UTP20: variants seen among roughly 807,000 people sequenced by gnomAD.
UTP20 encodes the protein UTP20 small subunit processome component.
In UTP20, 164 loss-of-function variants were observed where a neutral mutation model predicts 329.5. The ratio of observed to expected loss-of-function variants is 0.50; its 90% CI spans 0.44 to 0.57. The LOEUF (loss-of-function observed/expected upper bound fraction) is 0.57, where lower values mean the gene tolerates loss of function less well. Among genes scored for constraint, UTP20 ranks in the 20% least tolerant of loss-of-function variants. UTP20 has a pLI of 0.00. For missense variants in UTP20, 3,055 were observed against 3,284.2 expected (o/e 0.93, Z 1.71); for synonymous variants, 1,151 against 1,159.3 (o/e 0.99, Z 0.14).
intron 1 of UTP20, among the ~76,000 whole-genome samples, chr12:101,280,819 A>C (rs1871772418): frequency 6.6e-6 from 1 of 152,184 alleles, no homozygotes; most frequent in Non-Finnish European, 1.5e-5. Flanking sequence ...TGCTTATGGG[A>C]GGGTATGAAA....
At position 101,371,141 on chromosome 12, in the gene UTP20, C is replaced by G; in HGVS notation, c.6771C>G (p.Ser2257Arg). Residue 2257 changes from serine to arginine, a missense_variant, in exon 51 of 62, where the codon AGC becomes AGG. By Grantham distance (110) the Ser-to-Arg change is moderately radical. Transcript: ENST00000261637. Reference protein sequence around the residue: ...KVSKLAVSAQSEPARVQCRQV... With the variant: ...KVSKLAVSAQREPARVQCRQV... ...CCAAGTTGGCAGTCTCTGCACAAAG[C>G]GAACCTGCCAGGGTCCAGTGTAGAC... 1 of 1,613,914 alleles carries G rather than the reference C, an allele frequency of 6.2e-7. No homozygotes were observed. The highest frequency in any genetic ancestry group is 8.5e-7 in the Non-Finnish European group (1 of 1,179,920).
In UTP20 at chr12:101,295,619, T is replaced by C; in HGVS notation, c.1391T>C (p.Ile464Thr). Residue 464 changes from isoleucine to threonine, a missense_variant, in exon 12 of 62, where the codon ATT becomes ACT. By Grantham distance (89) the Ile-to-Thr change is moderately conservative (BLOSUM62 -1). This residue lies in a region of UTP20 where 2,445 missense variants were observed against 2,575.5 expected (regional missense o/e 0.95). Coordinates refer to ENST00000261637, the MANE Select transcript of UTP20 (RefSeq NM_014503.3). ...CCTCCCACTGCTGGCTCGATGGCAA[T>C]TGAAAAGTACCCTCTGGTTTTCTCA... ...AAPPTAGSMA[I>T]EKYPLVFSPQ... 1 of 1,612,338 alleles carries C rather than the reference T, an allele frequency of 6.2e-7. No homozygotes were observed. The highest frequency in any genetic ancestry group is 1.3e-5 in the African/African-American group (1 of 75,024).
chr12:101,283,034 G>A (rs1252001411), intron 2 of UTP20, among the ~76,000 whole-genome samples: 1 of 152,210 alleles, frequency 6.6e-6, no homozygotes, highest in African/African-American at 2.4e-5. Context: ...TCCATTTGGG[G>A]CTTGAATTTG....
Position 101,312,081 on chromosome 12 carries a change from A to T in UTP20, c.2357A>T (p.Asp786Val). The T allele has an allele frequency of 6.2e-7, 1 of 1,614,240 alleles. No individual in the cohort carries two copies. Among genetic ancestry groups the T allele is most frequent in the Non-Finnish European group, 8.5e-7 (1 of 1,180,040 alleles). The change falls in exon 21 of 62, where the codon GAT becomes GTT. Residue 786 changes from aspartate (D) to valine (V), a missense_variant. Around this residue, in one of 3 missense-constraint regions of UTP20, gnomAD observed 2,445 missense variants for 2,575.5 expected, o/e 0.95. Transcript: ENST00000261637. ...ATGACAGATGAGAAGTCCGTTGGAG[A>T]TGAAAGTTGGGAGCAGACCCAGGAA... ...NDMTDEKSVGDESWEQTQEGD... is the reference protein window; with the variant it reads ...NDMTDEKSVGVESWEQTQEGD...
At chr12:101,368,293 C>T (rs538923215) in intron 48 of UTP20, among the ~76,000 whole-genome samples, 41 of 151,878 alleles carry the variant, frequency 2.7e-4, no homozygotes, top group African/African-American at 8.4e-4. Flanking sequence ...CCACCACGCC[C>T]GGCTAACTTT....
rs549890176 is a variant in UTP20, at chr12:101,308,079, A to G, written c.1996-106A>G. On this transcript the variant is annotated intron_variant, in intron 17 of 61. Transcript: ENST00000261637. ...GTTACTTATTTCATTAAAAATATTA[A>G]CATATTCCAGTTTTTCTATTTTTAG... 96 of 978,994 alleles carry G rather than the reference A, an allele frequency of 9.8e-5. No homozygotes were observed. The East Asian group carries it at 2.9e-3, about 29-fold the overall frequency. The allele number at this position is 978,994 out of a possible 1,614,324, so 60.6% of individuals were successfully genotyped here.
In UTP20 at chr12:101,319,563, G is replaced by A. The variant is rs373468072; in HGVS notation, c.2757G>A (p.Leu919=). 43 of 1,606,680 alleles carry A rather than the reference G, an allele frequency of 2.7e-5. No homozygotes were observed. Among genetic ancestry groups the A allele is most frequent in the African/African-American group, 4.0e-5 (3 of 74,566 alleles). ...RAAAKQLIAH[L]QVFSKFSNPR... ...TGTTTAGGCAATTAATTGCTCATTTGCAAGTTTTCTCTAAATTTTCAAATC... is the reference window on the plus strand; with the variant it reads ...TGTTTAGGCAATTAATTGCTCATTTACAAGTTTTCTCTAAATTTTCAAATC... Residue 919 remains leucine, a synonymous_variant, in exon 23 of 62, where the codon TTG becomes TTA. Transcript: ENST00000261637.
At chr12:101,346,655 C>T in intron 38 of UTP20, 67 bp downstream of exon 38, 1 of 1,463,766 alleles carries the variant, frequency 6.8e-7, no homozygotes, top group South Asian at 1.4e-5. Context: ...CCAGAATATA[C>T]ATGGAGTTGG....
At chr12:101,338,374 G>A in intron 30 of UTP20, 97 bp downstream of exon 30, 1 of 1,229,418 alleles carries the variant, frequency 8.1e-7, no homozygotes, top group Admixed American at 1.9e-5. Flanking sequence ...ACTCACTCGA[G>A]AGCATATGCT....
chr12:101,289,401 A>C (rs1034070306), intron 6 of UTP20, among the ~76,000 whole-genome samples: 1 of 151,648 alleles, frequency 6.6e-6, no homozygotes, highest in Non-Finnish European at 1.5e-5. Flanking sequence ...ATACACACAC[A>C]CACTAGTAAT....
intron 27 of UTP20, among the ~76,000 whole-genome samples, chr12:101,331,253 T>C (rs996235953): frequency 6.6e-6 from 1 of 152,204 alleles, no homozygotes. Flanking sequence ...ATGCAGATTG[T>C]ACCCAATGGG....
At chr12:101,284,195 G>A (rs1297136094) in intron 2 of UTP20, among the ~76,000 whole-genome samples, 2 of 151,992 alleles carry the variant, frequency 1.3e-5, no homozygotes, top group Non-Finnish European at 2.9e-5. Context: ...TGTCACCCAG[G>A]TAGTGAGCAT....
In UTP20 at chr12:101,312,118, A is replaced by G. The variant is rs769979795; in HGVS notation, c.2394A>G (p.Gly798=). The G allele has an allele frequency of 6.2e-7, 1 of 1,614,110 alleles. No individual in the cohort carries two copies. Among genetic ancestry groups the G allele is most frequent in the African/African-American group, 1.3e-5 (1 of 74,948 alleles). ...SWEQTQEGDV[G]ALYHEQLALK... ...AGCAGACCCAGGAAGGAGATGTTGG[A>G]GCTCTTTATCATGAGCAGTTAGCAT... The change falls in exon 21 of 62, where the codon GGA becomes GGG. Residue 798 remains glycine (G), a synonymous_variant. Coordinates refer to ENST00000261637, the MANE Select transcript of UTP20 (RefSeq NM_014503.3).
intron 40 of UTP20, among the ~76,000 whole-genome samples, chr12:101,354,522 G>A (rs1431303016): frequency 2.0e-5 from 3 of 152,100 alleles, no homozygotes; most frequent in East Asian, 1.9e-4. Flanking sequence ...GAAGGGAGGT[G>A]CTTTATTTGG....
chr12:101,313,586 T>C (rs960338625), intron 21 of UTP20, among the ~76,000 whole-genome samples: 1 of 152,142 alleles, frequency 6.6e-6, no homozygotes, highest in African/African-American at 2.4e-5. Context: ...TGATGGCGAC[T>C]TAACCAAAGT....
At chr12:101,370,338 A>G in intron 49 of UTP20, 94 bp from the exon 50 acceptor site, 1 of 1,403,458 alleles carries the variant, frequency 7.1e-7, no homozygotes, top group Non-Finnish European at 9.5e-7. Flanking sequence ...CTGTTTGGAA[A>G]AGCATACTTG....
intron 2 of UTP20, 71 bp from the exon 3 acceptor site, chr12:101,285,499 C>T (rs1871930861): frequency 6.8e-7 from 1 of 1,477,520 alleles, no homozygotes; most frequent in Admixed American, 1.8e-5. Flanking sequence ...ATTAATATAT[C>T]ATTATTCTAT....
At chr12:101,308,446 A>C (rs1352075503) in intron 18 of UTP20, 103 bp downstream of exon 18, 30 of 663,356 alleles carry the variant, frequency 4.5e-5, no homozygotes, top group Non-Finnish European at 5.4e-5. Context: ...TAATAATAAT[A>C]ATAATTTAAA....
chr12:101,369,942 A>C, intron 49 of UTP20, 51 bp downstream of exon 49: 7 of 1,560,516 alleles, frequency 4.5e-6, no homozygotes, highest in Non-Finnish European at 6.1e-6. Context: ...AGCTGGATGC[A>C]ATAGCTCGTA....
Sources: allele counts gnomAD v4.1 joint callset (sites outside exome capture counted in the v4.1 genomes callset), GRCh38; gene constraint gnomAD v4.1.1; regional missense constraint gnomAD v4.1.1; transcripts MANE v1.5; gene names NCBI Gene and HGNC (gene_info 2026-07-23, HGNC 2026-07-21).